ELAPOR1: variants seen among roughly 807,000 people sequenced by gnomAD.
ELAPOR1 encodes the protein endosome-lysosome associated apoptosis and autophagy regulator 1.
ELAPOR1 carries 77 observed loss-of-function variants against 119.7 expected under a neutral mutation model. The observed-to-expected ratio is 0.64, with a 90% confidence interval of 0.54 to 0.78. The LOEUF (loss-of-function observed/expected upper bound fraction) is 0.78. Ranked by LOEUF, ELAPOR1 falls within the 30% of genes least tolerant of loss-of-function variation. The probability of loss-of-function intolerance (pLI) is 0.00; values close to 1 mark genes in which losing one functional copy is unlikely to be tolerated. For missense variants in ELAPOR1, 1,115 were observed against 1,270.4 expected (o/e 0.88, Z 1.86); for synonymous variants, 481 against 487.2 (o/e 0.99, Z 0.17).
Position 109,200,790 on chromosome 1 carries a change from C to G in ELAPOR1, c.2863C>G (p.Leu955Val). The G allele has an allele frequency of 1.2e-6, 2 of 1,614,196 alleles. No homozygotes were observed. The highest frequency in any genetic ancestry group is 1.7e-6 in the Non-Finnish European group (2 of 1,180,020). The change falls in exon 21 of 22, where the codon CTG (leucine) becomes GTG (valine). Residue 955 changes from leucine (L) to valine (V), a missense_variant. By Grantham distance (32) the Leu-to-Val change is conservative (BLOSUM62 1). Coordinates refer to ENST00000369939, the MANE Select transcript of ELAPOR1 (RefSeq NM_020775.5). ...GAATGCTACTCTCAAGGACTGTGAC[C>G]TGCCAGCAGCTGACAGCTGCGCCAT... ...VMNATLKDCD[L>V]PAADSCAIME...
chr1:109,127,818 C>G (rs1212567314), intron 1 of ELAPOR1, among the ~76,000 whole-genome samples: 1 of 151,784 alleles, frequency 6.6e-6, no homozygotes, highest in East Asian at 1.9e-4. Context: ...CCCACCTTGG[C>G]CTTCCAAAGT....
At chr1:109,195,493 CAAAA>C (rs55780811) in intron 15 of ELAPOR1, among the ~76,000 whole-genome samples, 1 of 141,016 alleles carries the variant, frequency 7.1e-6, no homozygotes. Context: ...GACTCCGTCT[CAAAA>C]AAAAAAAAAA....
At chr1:109,137,125 A>G (rs1649521577) in intron 1 of ELAPOR1, among the ~76,000 whole-genome samples, 1 of 152,190 alleles carries the variant, frequency 6.6e-6, no homozygotes, top group African/African-American at 2.4e-5. Context: ...GCTTTTACTT[A>G]GAGTTTCAGT....
At chr1:109,187,974 T>A in intron 8 of ELAPOR1, 1 of 1,321,548 alleles carries the variant, frequency 7.6e-7, no homozygotes, top group Admixed American at 3.2e-5. Flanking sequence ...ATTTGGCAGA[T>A]AGTGATTGAA....
In ELAPOR1 at chr1:109,164,691, C is replaced by A; in HGVS notation, c.467C>A (p.Ser156Ter). Residue 156 changes from serine (S) to a stop codon, truncating the protein, a stop_gained and splice_region_variant, in exon 3 of 22, where the codon TCG (serine) becomes TAG (stop). Coordinates refer to ENST00000369939, the MANE Select transcript of ELAPOR1 (RefSeq NM_020775.5). LOFTEE classifies it high-confidence loss of function. ...GCTGAGTCCACCGGGAACTGTACTT[C>A]GTGAGTCTGCACACACCCCCACCCC... ...SAAESTGNCT[S>*]SKWVPRGDYI... 6.2e-7 allele frequency: 1 copy of A among 1,612,446 alleles called. No individual in the cohort carries two copies. Among genetic ancestry groups the A allele is most frequent in the South Asian group, 1.1e-5 (1 of 90,924 alleles).
rs144432974 is a variant in ELAPOR1, at chr1:109,116,852, G to A, written c.153+2516G>A. Reference sequence around the variant, plus strand: ...ATTACAGGCATGTGCAACCACACCCGGCTAATTTTTGTATTTTTAGTAGAG... The same window carrying A: ...ATTACAGGCATGTGCAACCACACCCAGCTAATTTTTGTATTTTTAGTAGAG... On this transcript the variant is annotated intron_variant, in intron 1 of 21. Coordinates refer to ENST00000369939, the MANE Select transcript of ELAPOR1 (RefSeq NM_020775.5). 4.3e-3 allele frequency among the ~76,000 whole-genome samples: 658 copies of A among 152,054 alleles called. 2 individuals carry two copies. The highest frequency in any genetic ancestry group is 0.014 in the African/African-American group (601 of 41,460).
At chr1:109,134,690 CT>C (rs1461230338) in intron 1 of ELAPOR1, among the ~76,000 whole-genome samples, 1 of 152,038 alleles carries the variant, frequency 6.6e-6, no homozygotes, top group Non-Finnish European at 1.5e-5. Flanking sequence ...CGGAGCTGAG[CT>C]GGTTTCACCT....
intron 15 of ELAPOR1, among the ~76,000 whole-genome samples, chr1:109,195,405 A>G (rs1438520301): frequency 6.6e-6 from 1 of 152,128 alleles, no homozygotes; most frequent in Non-Finnish European, 1.5e-5. Flanking sequence ...GAGGCAGGAC[A>G]ATGGCATAAA....
At chr1:109,127,399 A>C (rs1648852587) in intron 1 of ELAPOR1, among the ~76,000 whole-genome samples, 1 of 151,600 alleles carries the variant, frequency 6.6e-6, no homozygotes, top group African/African-American at 2.4e-5. Context: ...GTATTTTAGT[A>C]GAGATGGGGT....
intron 1 of ELAPOR1, among the ~76,000 whole-genome samples, chr1:109,140,419 C>A (rs1243831738): frequency 6.6e-6 from 1 of 152,214 alleles, no homozygotes; most frequent in Non-Finnish European, 1.5e-5. Context: ...CCCTCGTAAA[C>A]CTTACAGGAG....
intron 18 of ELAPOR1, 42 bp downstream of exon 18, chr1:109,198,716 T>C (rs1375698871): frequency 6.6e-7 from 1 of 1,518,868 alleles, no homozygotes; most frequent in South Asian, 1.2e-5. Context: ...AAAATCTCCC[T>C]TGAAGTCATT....
chr1:109,118,900 CTT>C (rs777752743), intron 1 of ELAPOR1, among the ~76,000 whole-genome samples: 9 of 128,136 alleles, frequency 7.0e-5, no homozygotes, highest in Admixed American at 8.0e-5. Flanking sequence ...TTTGGTTCTT[CTT>C]TTTTTTTTTT....
intron 2 of ELAPOR1, among the ~76,000 whole-genome samples, chr1:109,162,429 G>A (rs1651320030): frequency 6.6e-6 from 1 of 152,210 alleles, no homozygotes; most frequent in African/African-American, 2.4e-5. Context: ...GAGAGGCTAA[G>A]TTTCTGCAGA....
intron 3 of ELAPOR1, among the ~76,000 whole-genome samples, 162 bp from the exon 4 acceptor site, chr1:109,171,701 GCTT>G (rs1651936951): frequency 6.6e-6 from 1 of 152,162 alleles, no homozygotes; most frequent in Non-Finnish European, 1.5e-5. Flanking sequence ...CTACCTGAGA[GCTT>G]CTTTTGTCTT....
intron 10 of ELAPOR1, 105 bp from the exon 11 acceptor site, chr1:109,189,487 C>T (rs1570714423): frequency 8.8e-6 from 9 of 1,022,088 alleles, no homozygotes; most frequent in East Asian, 4.9e-5. Context: ...TGGTTCTGGG[C>T]GCCTCAAAAG....
chr1:109,167,023 G>A (rs1347564757), intron 3 of ELAPOR1, among the ~76,000 whole-genome samples: 2 of 152,206 alleles, frequency 1.3e-5, no homozygotes, highest in Non-Finnish European at 2.9e-5. Context: ...TCAACTTGGT[G>A]TGTCAGATTC....
intron 17 of ELAPOR1, among the ~76,000 whole-genome samples, 155 bp downstream of exon 17, chr1:109,198,230 G>T (rs1199875793): frequency 6.6e-6 from 1 of 152,230 alleles, no homozygotes; most frequent in East Asian, 1.9e-4. Context: ...AGGGCTGGGA[G>T]TTCCTGATCC....
intron 14 of ELAPOR1, 111 bp downstream of exon 14, chr1:109,192,985 T>A: frequency 8.2e-7 from 1 of 1,214,580 alleles, no homozygotes; most frequent in Non-Finnish European, 1.2e-6. Context: ...GTGCTCCCCC[T>A]AGCATACTCC....
chr1:109,155,286 C>T (rs1374987669), intron 1 of ELAPOR1, among the ~76,000 whole-genome samples: 1 of 151,876 alleles, frequency 6.6e-6, no homozygotes, highest in African/African-American at 2.4e-5. Flanking sequence ...CGCCATTCTC[C>T]TGCCTCAGCC....
Sources: gnomAD v4.1 joint callset for allele counts (sites outside exome capture counted in the v4.1 genomes callset) on GRCh38, gnomAD v4.1.1 for gene constraint, MANE v1.5 for transcripts, NCBI Gene and HGNC (gene_info 2026-07-23, HGNC 2026-07-21) for gene names.